CSGALNACT1: variants seen among roughly 807,000 people sequenced by gnomAD.
The protein encoded by CSGALNACT1 is beta4GalNAcT-1.
Under a neutral mutation model 51.0 loss-of-function variants are expected in CSGALNACT1, and 52 were observed. The ratio of observed to expected loss-of-function variants is 1.02; its 90% CI spans 0.82 to 1.29. The LOEUF is 1.29. Ranked by LOEUF, CSGALNACT1 falls within the 50% of genes most tolerant of loss-of-function variation. The probability of loss-of-function intolerance (pLI) is 0.00; values close to 1 mark genes in which losing one functional copy is unlikely to be tolerated. For missense variants in CSGALNACT1, 935 were observed against 679.2 expected, an observed-to-expected ratio of 1.38 and a Z score of -4.19; for synonymous variants, 341 against 254.4, an observed-to-expected ratio of 1.34 and a Z score of -3.24.
intron 2 of CSGALNACT1, among the ~76,000 whole-genome samples, chr8:19,598,160 C>T (rs1176333067): frequency 6.6e-6 from 1 of 152,160 alleles, no homozygotes; most frequent in Non-Finnish European, 1.5e-5. Context: ...AAAAGGGAAT[C>T]CCAATAGCAG....
At chr8:19,629,828 C>G (rs1477802556) in intron 1 of CSGALNACT1, among the ~76,000 whole-genome samples, 1 of 152,180 alleles carries the variant, frequency 6.6e-6, no homozygotes, top group East Asian at 1.9e-4. Flanking sequence ...ATCATTCTCT[C>G]AAAAGCATCC....
intron 1 of CSGALNACT1, among the ~76,000 whole-genome samples, chr8:19,631,854 C>T (rs2055306782): frequency 6.6e-6 from 1 of 152,160 alleles, no homozygotes; most frequent in Non-Finnish European, 1.5e-5. Context: ...ATTTCTAAGA[C>T]ACTAAAAGGT....
chr8:19,526,602 T>C (rs554161965), intron 3 of CSGALNACT1, among the ~76,000 whole-genome samples: 1 of 152,082 alleles, frequency 6.6e-6, no homozygotes, highest in African/African-American at 2.4e-5. Context: ...TAATAATTTA[T>C]ATATAAAAAT....
chr8:19,481,834 T>G (rs2071481893), intron 4 of CSGALNACT1, among the ~76,000 whole-genome samples: 1 of 152,322 alleles, frequency 6.6e-6, no homozygotes, highest in African/African-American at 2.4e-5. Flanking sequence ...CCATCTTATG[T>G]GCAAAGCTAA....
chr8:19,634,033 A>G (rs547602964), intron 1 of CSGALNACT1, among the ~76,000 whole-genome samples: 1 of 152,364 alleles, frequency 6.6e-6, no homozygotes, highest in South Asian at 2.1e-4. Context: ...CGGAAAACCC[A>G]TAAAGCCCCT....
chr8:19,442,922 A>C (rs2061552056), intron 5 of CSGALNACT1, among the ~76,000 whole-genome samples: 1 of 152,120 alleles, frequency 6.6e-6, no homozygotes, highest in Non-Finnish European at 1.5e-5. Context: ...CTATCTGAGG[A>C]AATGGCAAGG....
intron 4 of CSGALNACT1, among the ~76,000 whole-genome samples, chr8:19,496,271 A>C (rs552816968): frequency 6.6e-6 from 1 of 152,348 alleles, no homozygotes; most frequent in East Asian, 1.9e-4. Flanking sequence ...CCACCATAGA[A>C]CACAGATCAG....
At chr8:19,725,645 G>A (rs560120479) in intron 1 of CSGALNACT1, among the ~76,000 whole-genome samples, 137 of 151,960 alleles carry the variant, frequency 9.0e-4, no homozygotes, top group Admixed American at 2.0e-3. Flanking sequence ...GGCTGGTTTC[G>A]AACTCCTGAC....
At chr8:19,535,250 G>A (rs980766123) in intron 3 of CSGALNACT1, among the ~76,000 whole-genome samples, 1 of 151,868 alleles carries the variant, frequency 6.6e-6, no homozygotes, top group Non-Finnish European at 1.5e-5. Flanking sequence ...TATGAAATCT[G>A]GCTCTCTAGA....
intron 3 of CSGALNACT1, among the ~76,000 whole-genome samples, chr8:19,507,064 G>A (rs890733820): frequency 5.9e-5 from 9 of 152,206 alleles, no homozygotes; most frequent in African/African-American, 1.7e-4. Flanking sequence ...AACTGGGGAA[G>A]CACCCAGAGG....
chr8:19,487,475 C>T (rs76134690), intron 4 of CSGALNACT1, among the ~76,000 whole-genome samples: 23,641 of 151,940 alleles, frequency 0.16, 1,969 homozygotes, highest in Middle Eastern at 0.22. Flanking sequence ...CTGCAAAGGG[C>T]GAGACACATG....
Position 19,643,104 on chromosome 8 carries a change from G to C in CSGALNACT1, c.-544+39369C>G, listed in dbSNP as rs371955978. On this transcript the variant is annotated intron_variant, in intron 1 of 9. Transcript: ENST00000332246. ...AAATTAAAATTAATAAATTGAATTAGTAAATTTACCTTTATATAGTAAGTT... is the reference window on the plus strand; with the variant it reads ...AAATTAAAATTAATAAATTGAATTACTAAATTTACCTTTATATAGTAAGTT... 9.2e-5 allele frequency among the ~76,000 whole-genome samples: 14 copies of C among 151,888 alleles called. No individual in the cohort carries two copies. In the East Asian group the frequency reaches 2.5e-3, roughly 27 times the overall value.
chr8:19,659,990 C>G (rs1423204218), intron 1 of CSGALNACT1, among the ~76,000 whole-genome samples: 1 of 152,228 alleles, frequency 6.6e-6, no homozygotes, highest in African/African-American at 2.4e-5. Context: ...AGTTCATTTA[C>G]TACTCTAAGA....
chr8:19,649,841 A>AAAAAAAAC (rs1564347596), intron 1 of CSGALNACT1, among the ~76,000 whole-genome samples: 14 of 149,030 alleles, frequency 9.4e-5, no homozygotes, highest in Non-Finnish European at 2.1e-4. Context: ...AAAAAAAAAA[A>AAAAAAAAC]AAAACCACGG....
Position 19,418,190 on chromosome 8 carries a change from C to A in CSGALNACT1, c.1227+466G>T, listed in dbSNP as rs141898672. 7.1e-3 allele frequency among the ~76,000 whole-genome samples: 1,086 copies of A among 152,276 alleles called. 8 individuals are homozygous for A. The highest frequency in any genetic ancestry group is 0.013 in the Non-Finnish European group (855 of 68,022). ...GGCATGACGGGAAGGGCACTGGGAGCACACTGGGAGTTTCCACTTCAAATT... is the reference window on the plus strand; with the variant it reads ...GGCATGACGGGAAGGGCACTGGGAGAACACTGGGAGTTTCCACTTCAAATT... On this transcript the variant is annotated intron_variant, in intron 8 of 9. Transcript: ENST00000454498.
intron 1 of CSGALNACT1, among the ~76,000 whole-genome samples, chr8:19,680,222 A>T (rs1408868400): frequency 6.6e-6 from 1 of 152,166 alleles, no homozygotes; most frequent in African/African-American, 2.4e-5. Context: ...GATAAAAAAT[A>T]TTTGGAAAAA....
At chr8:19,681,581 T>A (rs1166614160) in intron 1 of CSGALNACT1, among the ~76,000 whole-genome samples, 1 of 152,116 alleles carries the variant, frequency 6.6e-6, no homozygotes, top group African/African-American at 2.4e-5. Flanking sequence ...ACTGCCCAAA[T>A]CTAAAAATAA....
At chr8:19,452,820 A>G (rs533992635) in intron 5 of CSGALNACT1, among the ~76,000 whole-genome samples, 165 of 152,230 alleles carry the variant, frequency 1.1e-3, no homozygotes, top group African/African-American at 3.9e-3. Context: ...TCACATATCC[A>G]TCCCAGGGCT....
At chr8:19,514,078 A>G (rs2079007964) in intron 3 of CSGALNACT1, among the ~76,000 whole-genome samples, 1 of 152,102 alleles carries the variant, frequency 6.6e-6, no homozygotes, top group African/African-American at 2.4e-5. Context: ...GCATCTATCT[A>G]TGGGCCAAGT....
Sources: allele counts gnomAD v4.1 joint callset (sites outside exome capture counted in the v4.1 genomes callset), GRCh38; gene constraint gnomAD v4.1.1; transcripts MANE v1.5; gene names NCBI Gene and HGNC (gene_info 2026-07-23, HGNC 2026-07-21).